CATSPERE: variants seen among roughly 807,000 people sequenced by gnomAD.
CATSPERE encodes catsper channel auxiliary subunit epsilon.
CATSPERE carries 93 observed loss-of-function variants against 114.1 expected under a neutral mutation model. That is an observed-to-expected ratio of 0.81 (90% CI 0.69 to 0.97). The LOEUF (loss-of-function observed/expected upper bound fraction) is 0.97, where lower values mean the gene tolerates loss of function less well. Ranked by LOEUF, CATSPERE falls within the 50% of genes least tolerant of loss-of-function variation. The pLI, the probability that CATSPERE is intolerant of heterozygous loss-of-function variation, is 0.00. For missense variants in CATSPERE, 1,058 were observed against 1,131.6 expected, an observed-to-expected ratio of 0.93 and a Z score of 0.93; for synonymous variants, 341 against 384.1, an observed-to-expected ratio of 0.89 and a Z score of 1.31.
At position 244,579,733 on chromosome 1, in the gene CATSPERE, T is replaced by A. The variant is rs1665881592; in HGVS notation, c.1951-2063T>A. Reference sequence around the variant, plus strand: ...AAAAATACAAAATTTGCATTTCTAATTAAATACTGGCTCTATCATTTACTA... The same window carrying A: ...AAAAATACAAAATTTGCATTTCTAAATAAATACTGGCTCTATCATTTACTA... On this transcript the variant is annotated intron_variant, in intron 11 of 21. Coordinates refer to ENST00000366534, the MANE Select transcript of CATSPERE (RefSeq NM_001130957.2). Among the ~76,000 whole-genome samples, 3 of 152,234 alleles carry A rather than the reference T, an allele frequency of 2.0e-5. No individual in the cohort carries two copies. The South Asian group carries it at 6.2e-4, about 32-fold the overall frequency.
At chr1:244,584,522 C>T (rs1172536822) in intron 13 of CATSPERE, among the ~76,000 whole-genome samples, 4 of 140,126 alleles carry the variant, frequency 2.9e-5, no homozygotes, top group Non-Finnish European at 4.4e-5. Flanking sequence ...GGTAACTGAA[C>T]AGTATTATTA....
chr1:244,506,524 G>A (rs1337697672), intron 7 of CATSPERE, among the ~76,000 whole-genome samples: 1 of 152,140 alleles, frequency 6.6e-6, no homozygotes, highest in African/African-American at 2.4e-5. Flanking sequence ...AGTACACAAA[G>A]GTTCCAATTC....
intron 10 of CATSPERE, among the ~76,000 whole-genome samples, chr1:244,563,894 T>C (rs1662994637): frequency 1.3e-5 from 2 of 152,164 alleles, no homozygotes; most frequent in South Asian, 4.1e-4. Flanking sequence ...TGTTAGGTCT[T>C]AAGTTTAAGT....
chr1:244,630,505 C>T (rs907742174), intron 20 of CATSPERE, among the ~76,000 whole-genome samples: 1 of 152,042 alleles, frequency 6.6e-6, no homozygotes, highest in Non-Finnish European at 1.5e-5. Flanking sequence ...GACTACATTG[C>T]GTGGGGGAGA....
chr1:244,487,628 C>T (rs867383443), intron 5 of CATSPERE, among the ~76,000 whole-genome samples: 23 of 152,274 alleles, frequency 1.5e-4, no homozygotes, highest in Middle Eastern at 3.4e-3. Flanking sequence ...TGCCCTACCC[C>T]GACAATCCCC....
chr1:244,630,788 A>T (rs951777584), intron 20 of CATSPERE, among the ~76,000 whole-genome samples: 1 of 152,154 alleles, frequency 6.6e-6, no homozygotes, highest in African/African-American at 2.4e-5. Context: ...AGTGGTTCGC[A>T]TCTGATCAAT....
At position 244,552,589 on chromosome 1, in the gene CATSPERE, T is replaced by A; in HGVS notation, c.804T>A (p.Ser268=). The A allele has an allele frequency of 1.2e-6, 2 of 1,614,194 alleles. No individual in the cohort carries two copies. The highest frequency in any genetic ancestry group is 1.7e-6 in the Non-Finnish European group (2 of 1,180,036). ...ETFHTTDSFK[S]WTRIRVPPDI... ...TTCACACAACTGATTCATTCAAATC[T>A]TGGACCAGAATCAGAGTGCCTCCAG... The change falls in exon 9 of 22, where the codon TCT becomes TCA. Residue 268 remains serine (S), a synonymous_variant. Transcript: ENST00000366534.
intron 8 of CATSPERE, among the ~76,000 whole-genome samples, chr1:244,543,652 T>TATTTA (rs1659246760): frequency 5.4e-5 from 5 of 92,182 alleles, no homozygotes; most frequent in Admixed American, 1.0e-4. Flanking sequence ...ATATATATAT[T>TATTTA]TATATATATA....
At chr1:244,580,211 A>ATTTT (rs747379847) in intron 11 of CATSPERE, among the ~76,000 whole-genome samples, 28 of 110,834 alleles carry the variant, frequency 2.5e-4, no homozygotes, top group Middle Eastern at 4.8e-3. Flanking sequence ...TAATTTTTGT[A>ATTTT]TTTTTTTTTT....
At chr1:244,552,280 TGAGA>T in intron 8 of CATSPERE, 38 bp from the exon 9 acceptor site, 2 of 1,554,430 alleles carry the variant, frequency 1.3e-6, no homozygotes, top group Non-Finnish European at 1.7e-6. Context: ...ATGGATCAGA[TGAGA>T]GAGAGATCAT....
chr1:244,499,310 CT>C (rs1268337368), intron 7 of CATSPERE, among the ~76,000 whole-genome samples: 2 of 152,100 alleles, frequency 1.3e-5, no homozygotes, highest in East Asian at 3.9e-4. Flanking sequence ...TTCATATTTT[CT>C]TTTTTCTTTT....
chr1:244,591,750 TA>T lies in CATSPERE; in HGVS notation c.2189+21del, dbSNP rs1455438652. 3.5e-6 allele frequency: 5 copies of T among 1,446,554 alleles called. No homozygotes were observed. In the African/African-American group the frequency reaches 5.6e-5, roughly 16 times the overall value. 89.6% of individuals were successfully genotyped at this position (1,446,554 alleles called of 1,614,324 possible). On this transcript the variant is annotated intron_variant, in intron 15 of 21. Coordinates refer to ENST00000366534, the MANE Select transcript of CATSPERE (RefSeq NM_001130957.2). ...TTGAAAAGTAAGAAATTTTTTAACA[TA>T]AGCACTGAGTTTTATATTAACGTAG...
intron 8 of CATSPERE, among the ~76,000 whole-genome samples, chr1:244,544,842 C>T (rs1162164677): frequency 6.6e-6 from 1 of 152,230 alleles, no homozygotes; most frequent in Non-Finnish European, 1.5e-5. Flanking sequence ...TAACACATTC[C>T]TTGCTACATG....
At chr1:244,532,250 A>G (rs531006361) in intron 8 of CATSPERE, among the ~76,000 whole-genome samples, 19 of 152,056 alleles carry the variant, frequency 1.2e-4, no homozygotes, top group African/African-American at 4.3e-4. Context: ...TCTTTTCAAA[A>G]AACAAATTTT....
chr1:244,500,157 G>A (rs1384044968), intron 7 of CATSPERE, among the ~76,000 whole-genome samples: 1 of 152,032 alleles, frequency 6.6e-6, no homozygotes, highest in East Asian at 1.9e-4. Flanking sequence ...TTTGAGAAGT[G>A]CCTGCTTATA....
chr1:244,476,708 G>A (rs932593369), intron 2 of CATSPERE, among the ~76,000 whole-genome samples: 2 of 152,160 alleles, frequency 1.3e-5, no homozygotes, highest in Non-Finnish European at 2.9e-5. Flanking sequence ...TGAAGAAGAG[G>A]ATCAGTGTTA....
chr1:244,540,529 T>G lies in CATSPERE; in HGVS notation c.537-11793T>G, dbSNP rs1658498878. The stretch of plus-strand genomic sequence containing the variant: ...AGGATACAAACAAATGGAAGAACAT[T>G]CCATGCTCATGGGTAGGAAGAATCA... On this transcript the variant is annotated intron_variant, in intron 8 of 21. Coordinates refer to ENST00000366534, the MANE Select transcript of CATSPERE (RefSeq NM_001130957.2). Among the ~76,000 whole-genome samples the G allele has an allele frequency of 2.1e-5, 3 of 141,612 alleles. No homozygotes were observed. In the Admixed American group the frequency reaches 2.2e-4, roughly 10 times the overall value. The allele number at this position is 141,612 out of a possible 152,430, so 92.9% of individuals were successfully genotyped here.
chr1:244,587,014 T>C (rs1667113740), intron 13 of CATSPERE, among the ~76,000 whole-genome samples: 2 of 152,234 alleles, frequency 1.3e-5, no homozygotes, highest in Non-Finnish European at 2.9e-5. Flanking sequence ...TAATTAATTG[T>C]ATTTTAGTTC....
intron 6 of CATSPERE, among the ~76,000 whole-genome samples, chr1:244,495,614 G>C (rs186650152): frequency 1.6e-3 from 241 of 152,168 alleles, no homozygotes; most frequent in African/African-American, 5.2e-3. Context: ...CCAGCTACTC[G>C]GGAGGCTGAG....
Sources: gnomAD v4.1 joint callset for allele counts (sites outside exome capture counted in the v4.1 genomes callset) on GRCh38, gnomAD v4.1.1 for gene constraint, MANE v1.5 for transcripts, NCBI Gene and HGNC (gene_info 2026-07-23, HGNC 2026-07-21) for gene names.